The following GRIK4 variants were observed in gnomAD, a reference collection of about 807,000 sequenced individuals.
The protein encoded by GRIK4 is glutamate ionotropic receptor kainate type subunit 4.
Under a neutral mutation model 104.9 loss-of-function variants are expected in GRIK4, and 40 were observed. That is an observed-to-expected ratio of 0.38 (90% confidence interval 0.30 to 0.50). The LOEUF (loss-of-function observed/expected upper bound fraction) is 0.50, where lower values mean the gene tolerates loss of function less well. GRIK4 is among the 20% of genes least tolerant of loss of function. GRIK4 has a pLI of 0.93. For missense variants in GRIK4, 1,047 were observed against 1,308.1 expected (o/e 0.80, Z 3.08); for synonymous variants, 485 against 524.9 (o/e 0.92, Z 1.04).
intron 4 of GRIK4, among the ~76,000 whole-genome samples, chr11:120,805,839 G>A (rs1952700266): frequency 6.6e-6 from 1 of 152,198 alleles, no homozygotes; most frequent in Non-Finnish European, 1.5e-5. Flanking sequence ...GGAAGGAAGG[G>A]AGGAGGGGGA....
At chr11:120,548,937 G>T (rs1948113134) in intron 1 of GRIK4, among the ~76,000 whole-genome samples, 1 of 152,252 alleles carries the variant, frequency 6.6e-6, no homozygotes, top group African/African-American at 2.4e-5. Context: ...TACGGTGCCT[G>T]TCTGATGTGT....
chr11:120,827,427 C>T (rs1313294500), intron 6 of GRIK4, among the ~76,000 whole-genome samples: 1 of 145,044 alleles, frequency 6.9e-6, no homozygotes, highest in Admixed American at 6.8e-5. Flanking sequence ...CCCTCTCAGC[C>T]TTAGACTTGG....
intron 3 of GRIK4, among the ~76,000 whole-genome samples, chr11:120,711,031 T>G (rs1234287964): frequency 6.8e-6 from 1 of 147,246 alleles, no homozygotes; most frequent in Non-Finnish European, 1.5e-5. Flanking sequence ...AGGGCCCTGC[T>G]CTCCCATTCC....
chr11:120,590,021 C>G (rs1443314237), intron 1 of GRIK4, among the ~76,000 whole-genome samples: 1 of 152,190 alleles, frequency 6.6e-6, no homozygotes, highest in Non-Finnish European at 1.5e-5. Context: ...CCCATGCATC[C>G]TGCTGGTTCA....
At chr11:120,738,849 T>A (rs1204005680) in intron 3 of GRIK4, among the ~76,000 whole-genome samples, 1 of 152,192 alleles carries the variant, frequency 6.6e-6, no homozygotes, top group Non-Finnish European at 1.5e-5. Flanking sequence ...CCATTTCTCA[T>A]CCTGGTGAGA....
Position 120,815,227 on chromosome 11 carries a change from C to T in GRIK4, c.248-151C>T, listed in dbSNP as rs538987307. On this transcript the variant is annotated intron_variant, in intron 4 of 20. Coordinates refer to ENST00000527524, the MANE Select transcript of GRIK4 (RefSeq NM_014619.5). The stretch of plus-strand genomic sequence containing the variant: ...CAGTCGTCCAGGGGAGAAGGAGAGA[C>T]TCTGGGTTTCGAAGGGTTGGAGCAG... 678 of 582,294 alleles carry T rather than the reference C, an allele frequency of 1.2e-3. 1 individual carries two copies. Among genetic ancestry groups the T allele is most frequent in the Non-Finnish European group, 1.0e-3 (329 of 330,622 alleles). The allele number at this position is 582,294 out of a possible 1,614,324, so 36.1% of individuals were successfully genotyped here.
intron 13 of GRIK4, among the ~76,000 whole-genome samples, chr11:120,916,018 C>T (rs1943098084): frequency 6.6e-6 from 1 of 152,186 alleles, no homozygotes; most frequent in Non-Finnish European, 1.5e-5. Flanking sequence ...TGGGTGGCAT[C>T]GTCTTGTTCT....
chr11:120,930,919 G>A (rs773409985), intron 13 of GRIK4, among the ~76,000 whole-genome samples: 34 of 152,260 alleles, frequency 2.2e-4, no homozygotes, highest in Admixed American at 9.1e-4. Flanking sequence ...AGTGGGAGTC[G>A]TGAATAATTT....
At chr11:120,661,273 G>T (rs1316018762) in intron 3 of GRIK4, among the ~76,000 whole-genome samples, 1 of 152,288 alleles carries the variant, frequency 6.6e-6, no homozygotes, top group South Asian at 2.1e-4. Context: ...TGGACAGGTG[G>T]GTGGGGCACA....
At chr11:120,575,965 A>G (rs1306665852) in intron 1 of GRIK4, 1 of 152,054 alleles carries the variant, frequency 6.6e-6, no homozygotes, top group African/African-American at 2.4e-5. Flanking sequence ...TCTCTGAAAA[A>G]AAAAAAAATG....
chr11:120,660,535 G>A, intron 3 of GRIK4, 135 bp downstream of exon 3: 1 of 649,128 alleles, frequency 1.5e-6, no homozygotes, highest in Non-Finnish European at 2.7e-6. Flanking sequence ...TGGCTGGGGT[G>A]AACATGCAGG....
At chr11:120,665,108 A>G (rs1325781052) in intron 3 of GRIK4, among the ~76,000 whole-genome samples, 3 of 152,046 alleles carry the variant, frequency 2.0e-5, no homozygotes, top group African/African-American at 7.2e-5. Flanking sequence ...GATAAAGATA[A>G]TAGGAGAATT....
chr11:120,599,599 C>T (rs1043062602), intron 1 of GRIK4, among the ~76,000 whole-genome samples: 44 of 152,202 alleles, frequency 2.9e-4, no homozygotes, highest in African/African-American at 1.0e-3. Context: ...GTATTCTCAG[C>T]CCCCTAGCCT....
chr11:120,848,776 C>A (rs1175814442), intron 8 of GRIK4, among the ~76,000 whole-genome samples: 5 of 152,100 alleles, frequency 3.3e-5, no homozygotes, highest in African/African-American at 1.2e-4. Flanking sequence ...GGTCTTTATC[C>A]CACCCAGAGC....
At chr11:120,611,141 ACT>A (rs1436865806) in intron 1 of GRIK4, among the ~76,000 whole-genome samples, 3 of 151,884 alleles carry the variant, frequency 2.0e-5, no homozygotes, top group African/African-American at 7.3e-5. Context: ...AGATCTAGGG[ACT>A]CTGGCCCCTC....
chr11:120,754,564 T>C (rs1167491689), intron 3 of GRIK4, among the ~76,000 whole-genome samples: 1 of 152,194 alleles, frequency 6.6e-6, no homozygotes, highest in East Asian at 1.9e-4. Context: ...CATGTATATG[T>C]TTTTAGGTGG....
intron 8 of GRIK4, among the ~76,000 whole-genome samples, chr11:120,844,011 A>G: frequency 6.6e-6 from 1 of 152,178 alleles, no homozygotes; most frequent in South Asian, 2.1e-4. Flanking sequence ...GGATATATGC[A>G]GCCAATTTTC....
intron 3 of GRIK4, among the ~76,000 whole-genome samples, chr11:120,682,258 G>T (rs1950204984): frequency 6.6e-6 from 1 of 152,224 alleles, no homozygotes; most frequent in South Asian, 2.1e-4. Context: ...GGCGGCCAAT[G>T]GACAGGCAGA....
intron 3 of GRIK4, among the ~76,000 whole-genome samples, chr11:120,677,766 A>G (rs1304867163): frequency 6.6e-6 from 1 of 152,094 alleles, no homozygotes; most frequent in Non-Finnish European, 1.5e-5. Flanking sequence ...CCTGTTTGAT[A>G]TTTCTTTTGT....
Sources: gnomAD v4.1 joint callset for allele counts (sites outside exome capture counted in the v4.1 genomes callset) on GRCh38, gnomAD v4.1.1 for gene constraint, MANE v1.5 for transcripts, NCBI Gene and HGNC (gene_info 2026-07-23, HGNC 2026-07-21) for gene names.